The following PDE1C variants were observed in gnomAD, a reference collection of about 807,000 sequenced individuals.
The protein encoded by PDE1C is dual specificity calcium/calmodulin-dependent 3',5'-cyclic nucleotide phosphodiesterase 1C.
PDE1C carries 62 observed loss-of-function variants against 93.1 expected under a neutral mutation model. The ratio of observed to expected loss-of-function variants is 0.67; its 90% CI spans 0.54 to 0.82. The LOEUF is 0.82. PDE1C is among the 40% of genes least tolerant of loss of function. The pLI is 0.00. For synonymous variants in PDE1C, 325 were observed against 310.1 expected (o/e 1.05, Z -0.50); for missense variants, 742 against 884.6 (o/e 0.84, Z 2.04).
chr7:31,631,650 C>A, the PDE1C span, among the ~76,000 whole-genome samples: 2 of 151,990 alleles, frequency 1.3e-5, no homozygotes, highest in Non-Finnish European at 1.5e-5. Flanking sequence ...AAAGGGACTG[C>A]TAGACCTGGA....
rs529002213 is a variant in PDE1C, at chr7:32,258,568, C to A, written c.85+40083G>T. Among the ~76,000 whole-genome samples the A allele has an allele frequency of 2.6e-5, 4 of 152,296 alleles. No individual in the cohort carries two copies. The East Asian group carries it at 7.7e-4, about 29-fold the overall frequency. On this transcript the variant is annotated intron_variant, in intron 1 of 18. Coordinates refer to the PDE1C transcript ENST00000396193. ...ATTAACAAGCTGTGCACATGCCCAGCACAATCTGTACCAGCCATGGGAATT... is the reference window on the plus strand; with the variant it reads ...ATTAACAAGCTGTGCACATGCCCAGAACAATCTGTACCAGCCATGGGAATT...
rs766979732 is a variant in PDE1C at position 31,974,828 on chromosome 7, A to G, written c.128+76726T>C. ...AAACTGCTGTGGTGATGGTTGTACA[A>G]CTCTGTAAATTAATTTTAAAAATAC... is the stretch of plus-strand genomic sequence containing the variant. On this transcript the variant is annotated intron_variant, in intron 2 of 17. Coordinates refer to ENST00000396191, the MANE Select transcript of PDE1C (RefSeq NM_001191057.4). Among the ~76,000 whole-genome samples the G allele has an allele frequency of 1.2e-3, 180 of 152,298 alleles. 3 individuals carry two copies. The highest frequency in any genetic ancestry group is 3.4e-3 in the Middle Eastern group (1 of 294).
At chr7:31,744,939 A>G in the PDE1C span, among the ~76,000 whole-genome samples, 1 of 152,198 alleles carries the variant, frequency 6.6e-6, no homozygotes, top group Non-Finnish European at 1.5e-5. Flanking sequence ...GGGATTTTGA[A>G]TCTTAAAAAT....
intron 16 of PDE1C, among the ~76,000 whole-genome samples, chr7:31,779,701 A>G (rs1215730743): frequency 6.6e-6 from 1 of 152,124 alleles, no homozygotes; most frequent in African/African-American, 2.4e-5. Flanking sequence ...GCCACGGGCC[A>G]TTGGCGGGGG....
intron 1 of PDE1C, among the ~76,000 whole-genome samples, chr7:32,236,487 T>C (rs1429155415): frequency 6.6e-6 from 1 of 152,094 alleles, no homozygotes; most frequent in Non-Finnish European, 1.5e-5. Context: ...TAATTAAAGA[T>C]GGACAAAAGA....
At chr7:32,200,181 T>C (rs1804908470) in intron 2 of PDE1C, among the ~76,000 whole-genome samples, 1 of 152,198 alleles carries the variant, frequency 6.6e-6, no homozygotes, top group Non-Finnish European at 1.5e-5. Flanking sequence ...CTCTTGCTCA[T>C]CATGGAGGAC....
chr7:32,368,576 A>G (rs542325252), intron 1 of PDE1C, among the ~76,000 whole-genome samples: 2 of 152,318 alleles, frequency 1.3e-5, no homozygotes, highest in South Asian at 4.1e-4. Flanking sequence ...TGACCATAGT[A>G]CTCAAAGCAA....
chr7:32,088,675 A>G (rs1223453853), intron 3 of PDE1C, among the ~76,000 whole-genome samples: 2 of 152,216 alleles, frequency 1.3e-5, no homozygotes, highest in Non-Finnish European at 2.9e-5. Context: ...AAATCCCTCT[A>G]TGCACAAGCG....
At chr7:32,122,763 C>T (rs1799367711) in intron 3 of PDE1C, among the ~76,000 whole-genome samples, 1 of 151,986 alleles carries the variant, frequency 6.6e-6, no homozygotes, top group Admixed American at 6.6e-5. Context: ...CATAAAGCTA[C>T]AAAGATCTCA....
intron 3 of PDE1C, among the ~76,000 whole-genome samples, chr7:32,132,042 A>G (rs1799946331): frequency 6.6e-6 from 1 of 152,192 alleles, no homozygotes. Flanking sequence ...TGAATGGTTA[A>G]GGAAGGGCTC....
At chr7:32,151,906 G>A (rs755630191) in intron 3 of PDE1C, among the ~76,000 whole-genome samples, 4 of 152,092 alleles carry the variant, frequency 2.6e-5, no homozygotes, top group Non-Finnish European at 4.4e-5. Flanking sequence ...TTTTTTCTAC[G>A]TCATTTATAT....
chr7:31,854,428 G>C (rs1583618902), intron 7 of PDE1C, among the ~76,000 whole-genome samples: 1 of 152,160 alleles, frequency 6.6e-6, no homozygotes, highest in African/African-American at 2.4e-5. Flanking sequence ...TTGGTGGCAA[G>C]GTACAAGTCA....
chr7:31,946,809 C>T (rs73686845), intron 2 of PDE1C, among the ~76,000 whole-genome samples: 2,180 of 152,286 alleles, frequency 0.014, 51 homozygotes, highest in African/African-American at 0.05. Flanking sequence ...CCCCCATGGC[C>T]TGGTGTTGGG....
chr7:32,288,268 C>T (rs1486398560), intron 1 of PDE1C, among the ~76,000 whole-genome samples: 1 of 152,132 alleles, frequency 6.6e-6, no homozygotes, highest in Non-Finnish European at 1.5e-5. Context: ...AGATCTTTTT[C>T]AGGGGAATTG....
At chr7:31,856,393 C>T (rs1175895314) in intron 7 of PDE1C, among the ~76,000 whole-genome samples, 1 of 152,158 alleles carries the variant, frequency 6.6e-6, no homozygotes, top group South Asian at 2.1e-4. Context: ...GGAAATTCAA[C>T]GGCAAATGAG....
intron 2 of PDE1C, among the ~76,000 whole-genome samples, chr7:32,189,617 G>A (rs1317931081): frequency 2.0e-5 from 3 of 152,176 alleles, no homozygotes; most frequent in Admixed American, 2.0e-4. Context: ...CAGGGATATA[G>A]TATATATGAT....
chr7:31,643,442 CAG>C, the PDE1C span: 1 of 1,614,040 alleles, frequency 6.2e-7, no homozygotes, highest in Non-Finnish European at 8.5e-7. Flanking sequence ...CTACCTGGGA[CAG>C]AAGCTGAGAT....
intron 3 of PDE1C, among the ~76,000 whole-genome samples, chr7:32,087,539 G>A (rs1461579233): frequency 6.6e-6 from 1 of 152,094 alleles, no homozygotes; most frequent in African/African-American, 2.4e-5. Context: ...CTGCTATAAA[G>A]ACACATGCAC....
chr7:32,231,221 A>G (rs944605702), intron 1 of PDE1C, among the ~76,000 whole-genome samples: 2 of 152,118 alleles, frequency 1.3e-5, no homozygotes, highest in South Asian at 4.1e-4. Flanking sequence ...CATACAACAG[A>G]GAGTTCACTG....
Sources: allele counts gnomAD v4.1 joint callset (sites outside exome capture counted in the v4.1 genomes callset), GRCh38; gene constraint gnomAD v4.1.1; transcripts MANE v1.5; gene names NCBI Gene and HGNC (gene_info 2026-07-23, HGNC 2026-07-21).